The following MLLT10 variants were observed in gnomAD, a reference collection of about 807,000 sequenced individuals.
MLLT10 encodes MLLT10 histone lysine methyltransferase DOT1L cofactor, also known as protein AF-10.
In MLLT10, 30 loss-of-function variants were observed where a neutral mutation model predicts 129.1. The observed-to-expected ratio is 0.23, with a 90% confidence interval of 0.17 to 0.32. MLLT10 has a LOEUF of 0.32. MLLT10 is among the 10% of genes least tolerant of loss of function. The probability of loss-of-function intolerance (pLI) is 1.00; values close to 1 mark genes in which losing one functional copy is unlikely to be tolerated. For missense variants in MLLT10, 1,119 were observed against 1,268.3 expected, an observed-to-expected ratio of 0.88 and a Z score of 1.79; for synonymous variants, 490 against 446.4, an observed-to-expected ratio of 1.10 and a Z score of -1.23.
chr10:21,626,000 C>T (rs1479226808), intron 8 of MLLT10: 1 of 1,050,468 alleles, frequency 9.5e-7, no homozygotes, highest in Non-Finnish European at 1.5e-6. Flanking sequence ...TGGAGGCCCA[C>T]CATACTTCCT....
At chr10:21,564,341 T>G (rs551193120) in intron 3 of MLLT10, 1 of 152,294 alleles carries the variant, frequency 6.6e-6, no homozygotes, top group Admixed American at 6.5e-5. Flanking sequence ...TGCTCCCGAC[T>G]GGTCTCCTAA....
intron 8 of MLLT10, among the ~76,000 whole-genome samples, chr10:21,636,582 T>C (rs979379814): frequency 1.6e-4 from 25 of 151,720 alleles, no homozygotes; most frequent in African/African-American, 5.8e-4. Context: ...TTCTTTTCTT[T>C]TTTTTTTTTG....
chr10:21,624,734 C>A, intron 8 of MLLT10: 1 of 1,279,230 alleles, frequency 7.8e-7, no homozygotes, highest in Non-Finnish European at 1.1e-6. Flanking sequence ...GTTGGTCTGA[C>A]GATGCTTGGA....
intron 7 of MLLT10, among the ~76,000 whole-genome samples, chr10:21,616,598 C>A (rs1195996333): frequency 6.6e-6 from 1 of 151,814 alleles, no homozygotes; most frequent in Admixed American, 6.6e-5. Context: ...TAATTTTTTT[C>A]TTTATTTGCT....
chr10:21,692,064 C>G (rs1189008833), intron 13 of MLLT10, among the ~76,000 whole-genome samples: 1 of 148,098 alleles, frequency 6.8e-6, no homozygotes, highest in Non-Finnish European at 1.5e-5. Flanking sequence ...ATCCCAGGTA[C>G]TTGTGAGGCT....
At chr10:21,738,364 TG>T in intron 21 of MLLT10, 1 of 1,266,770 alleles carries the variant, frequency 7.9e-7, no homozygotes, top group South Asian at 1.3e-5. Context: ...TCCATTTATT[TG>T]GGTGTCTTCC....
chr10:21,653,626 C>T (rs2049272854), intron 9 of MLLT10, among the ~76,000 whole-genome samples: 1 of 152,158 alleles, frequency 6.6e-6, no homozygotes, highest in South Asian at 2.1e-4. Flanking sequence ...ATCTGCAAAG[C>T]CCCTTTTGCC....
At chr10:21,650,419 C>G (rs934440216) in intron 8 of MLLT10, among the ~76,000 whole-genome samples, 1 of 152,024 alleles carries the variant, frequency 6.6e-6, no homozygotes, top group Non-Finnish European at 1.5e-5. Context: ...GACAGTGCAG[C>G]CTGAAAATAT....
intron 7 of MLLT10, 59 bp downstream of exon 7, chr10:21,614,983 C>T (rs1589240958): frequency 7.3e-7 from 1 of 1,361,668 alleles, no homozygotes; most frequent in Non-Finnish European, 1.0e-6. Context: ...AATAGAATGA[C>T]ACTGTTTTAT....
chr10:21,678,853 A>T (rs565882758), intron 11 of MLLT10, among the ~76,000 whole-genome samples: 2 of 152,264 alleles, frequency 1.3e-5, no homozygotes, highest in South Asian at 2.1e-4. Context: ...TGATCCTTGG[A>T]ACAGCCTTGT....
At chr10:21,586,830 T>C (rs1165249070) in intron 4 of MLLT10, among the ~76,000 whole-genome samples, 1 of 151,758 alleles carries the variant, frequency 6.6e-6, no homozygotes, top group African/African-American at 2.4e-5. Context: ...GAGGTTGCAG[T>C]GAGCTGAGAT....
intron 20 of MLLT10, 111 bp downstream of exon 20, chr10:21,734,240 T>C: frequency 3.8e-6 from 5 of 1,328,698 alleles, no homozygotes; most frequent in Non-Finnish European, 4.1e-6. Context: ...CCTTAAGAAG[T>C]CTGCCAAAAA....
At chr10:21,661,425 A>G (rs978838851) in intron 9 of MLLT10, among the ~76,000 whole-genome samples, 10 of 152,142 alleles carry the variant, frequency 6.6e-5, no homozygotes, top group African/African-American at 1.9e-4. Context: ...TTTGCTTCAT[A>G]TATTTTGACT....
intron 5 of MLLT10, among the ~76,000 whole-genome samples, chr10:21,607,186 A>G (rs2044141985): frequency 6.6e-6 from 1 of 152,192 alleles, no homozygotes; most frequent in African/African-American, 2.4e-5. Context: ...AAAGATAAAG[A>G]CTTGCAGAGA....
chr10:21,704,016 GT>G (rs60982595), intron 13 of MLLT10, among the ~76,000 whole-genome samples: 2,256 of 56,576 alleles, frequency 0.04, 61 homozygotes, highest in African/African-American at 0.13. Context: ...ATTGTTTTTT[GT>G]TTTTTTTTTT....
intron 8 of MLLT10, among the ~76,000 whole-genome samples, chr10:21,640,285 A>G (rs2047872752): frequency 1.4e-5 from 2 of 144,100 alleles, no homozygotes; most frequent in South Asian, 4.2e-4. Context: ...TATTATATAT[A>G]ATATATATTA....
intron 3 of MLLT10, among the ~76,000 whole-genome samples, chr10:21,584,207 A>G (rs1480569629): frequency 7.7e-6 from 1 of 130,190 alleles, no homozygotes; most frequent in Admixed American, 8.8e-5. Context: ...CTTGTTGCCC[A>G]GGCTGGAGTG....
intron 4 of MLLT10, among the ~76,000 whole-genome samples, chr10:21,592,484 C>T (rs2042602042): frequency 6.7e-6 from 1 of 148,422 alleles, no homozygotes. Context: ...GAGACGGAGT[C>T]TCACTCTGTC....
intron 11 of MLLT10, among the ~76,000 whole-genome samples, chr10:21,678,290 A>T (rs1263652258): frequency 6.6e-6 from 1 of 152,078 alleles, no homozygotes; most frequent in Non-Finnish European, 1.5e-5. Flanking sequence ...TTTTTAATAG[A>T]GACAGGGTTT....
Sources: allele counts gnomAD v4.1 joint callset (sites outside exome capture counted in the v4.1 genomes callset), GRCh38; gene constraint gnomAD v4.1.1; transcripts MANE v1.5; gene names NCBI Gene and HGNC (gene_info 2026-07-23, HGNC 2026-07-21).